The following C3orf70 variants were observed in gnomAD, a reference collection of about 807,000 sequenced individuals.
C3orf70 encodes chromosome 3 open reading frame 70.
C3orf70 carries 15 observed loss-of-function variants against 20.7 expected under a neutral mutation model. The ratio of observed to expected loss-of-function variants is 0.72; its 90% CI spans 0.48 to 1.11. The LOEUF (loss-of-function observed/expected upper bound fraction) is 1.11. Ranked by LOEUF, C3orf70 falls within the 50% of genes most tolerant of loss-of-function variation. The pLI is 0.00. For missense variants in C3orf70, 332 were observed against 317.6 expected (o/e 1.05, Z -0.34); for synonymous variants, 161 against 125.7 (o/e 1.28, Z -1.88).
In C3orf70 at chr3:185,077,792, G is replaced by GGGC. The variant is rs1268654623; in HGVS notation, c.*5214_*5215insGCC. On this transcript the variant is annotated 3_prime_UTR_variant, in exon 2 of 2. Transcript: ENST00000335012. ...AATAAATGCTATTTGGTGGTGGTGG[G>GGGC]GGGGGGGTATCAAGTTTTATTTGCT... 6.6e-6 allele frequency among the ~76,000 whole-genome samples: 1 copy of GGGC among 150,522 alleles called. No individual in the cohort carries two copies. The highest frequency in any genetic ancestry group is 1.5e-5 in the Non-Finnish European group (1 of 67,582).
At position 185,083,492 on chromosome 3, in the gene C3orf70, C is replaced by T; in HGVS notation, c.268G>A (p.Glu90Lys). 1.2e-6 allele frequency: 2 copies of T among 1,613,780 alleles called. No homozygotes were observed. Among genetic ancestry groups the T allele is most frequent in the Non-Finnish European group, 8.5e-7 (1 of 1,179,948 alleles). ...GAGATCTGAATGGTGTTTGTGGGTT[C>T]CCGAGGCCTGGCAGGAATCTCAGTG... is the stretch of plus-strand genomic sequence containing the variant. ...PSTEIPARPREPTNTIQISVS... is the reference protein window; with the variant it reads ...PSTEIPARPRKPTNTIQISVS... The change falls in exon 2 of 2, where the codon GAA (glutamate) becomes AAA (lysine). Residue 90 changes from glutamate to lysine, a missense_variant. Physicochemically the swap from Glu to Lys is moderately conservative, Grantham distance 56. Transcript: ENST00000335012.
At chr3:185,135,853 A>C (rs1255206239) in intron 1 of C3orf70, among the ~76,000 whole-genome samples, 4 of 152,204 alleles carry the variant, frequency 2.6e-5, no homozygotes, top group African/African-American at 9.6e-5. Context: ...ATAATTCAAA[A>C]TGGAATTCAA....
At chr3:185,144,020 T>C (rs769323173) in intron 1 of C3orf70, among the ~76,000 whole-genome samples, 58 of 151,006 alleles carry the variant, frequency 3.8e-4, no homozygotes, top group Admixed American at 7.3e-4. Flanking sequence ...ACTCAACACA[T>C]AGGAACTATT....
chr3:185,148,456 T>A (rs762174006), intron 1 of C3orf70, among the ~76,000 whole-genome samples: 1 of 152,194 alleles, frequency 6.6e-6, no homozygotes, highest in Non-Finnish European at 1.5e-5. Context: ...CAAATTTAAT[T>A]AACCCTATAG....
chr3:185,145,329 T>C (rs1053220710), intron 1 of C3orf70, among the ~76,000 whole-genome samples: 1 of 152,252 alleles, frequency 6.6e-6, no homozygotes, highest in Non-Finnish European at 1.5e-5. Context: ...TAATTAATGG[T>C]GTGTATACAA....
At chr3:185,120,033 A>AAAAAAAGAAAAAAAAAG (rs55921240) in intron 1 of C3orf70, among the ~76,000 whole-genome samples, 2 of 100,784 alleles carry the variant, frequency 2.0e-5, no homozygotes, top group African/African-American at 4.6e-5. Context: ...AAAAAAAAAA[A>AAAAAAAGAAAAAAAAAG]AAAAAGAAAA....
At chr3:185,106,725 C>T (rs1715950830) in intron 1 of C3orf70, among the ~76,000 whole-genome samples, 1 of 152,240 alleles carries the variant, frequency 6.6e-6, no homozygotes, top group African/African-American at 2.4e-5. Flanking sequence ...CTATGCTACA[C>T]AAAAGCTGTG....
intron 1 of C3orf70, among the ~76,000 whole-genome samples, chr3:185,108,374 A>G (rs1396539177): frequency 5.3e-5 from 8 of 152,190 alleles, no homozygotes; most frequent in Non-Finnish European, 8.8e-5. Context: ...TATTAATGTG[A>G]TTTCTGATTC....
intron 1 of C3orf70, among the ~76,000 whole-genome samples, chr3:185,127,659 C>CGAA (rs1716440325): frequency 1.3e-5 from 2 of 151,994 alleles, no homozygotes; most frequent in Non-Finnish European, 2.9e-5. Flanking sequence ...AGGCTGGTCT[C>CGAA]GAACTCCTGA....
At chr3:185,109,105 T>G (rs1716007547) in intron 1 of C3orf70, among the ~76,000 whole-genome samples, 1 of 152,146 alleles carries the variant, frequency 6.6e-6, no homozygotes, top group African/African-American at 2.4e-5. Flanking sequence ...AAACAGCAGT[T>G]GCAAAAGCAG....
chr3:185,129,845 C>T (rs1477276879), intron 1 of C3orf70, among the ~76,000 whole-genome samples: 1 of 152,162 alleles, frequency 6.6e-6, no homozygotes, highest in Non-Finnish European at 1.5e-5. Flanking sequence ...GATTGTAACA[C>T]AGCATCCAAA....
At chr3:185,092,988 TCAA>T (rs1715626509) in intron 1 of C3orf70, among the ~76,000 whole-genome samples, 1 of 36,234 alleles carries the variant, frequency 2.8e-5, no homozygotes. Context: ...AGACTCCATC[TCAA>T]AAAAAAAAAA....
chr3:185,140,596 T>C (rs1370640245), intron 1 of C3orf70, among the ~76,000 whole-genome samples: 1 of 151,642 alleles, frequency 6.6e-6, no homozygotes, highest in Non-Finnish European at 1.5e-5. Flanking sequence ...GTGGGGCCTT[T>C]GGGAAGTAAT....
chr3:185,134,806 C>A (rs771570930), intron 1 of C3orf70, among the ~76,000 whole-genome samples: 1 of 152,108 alleles, frequency 6.6e-6, no homozygotes, highest in Non-Finnish European at 1.5e-5. Context: ...GTGTCAGAGG[C>A]CTTGCAGAAA....
intron 1 of C3orf70, among the ~76,000 whole-genome samples, chr3:185,135,684 A>C (rs1041069427): frequency 3.9e-5 from 6 of 152,368 alleles, no homozygotes; most frequent in African/African-American, 1.4e-4. Context: ...TAAATACTCA[A>C]AGTGATGAAT....
chr3:185,090,015 G>C (rs1715532001), intron 1 of C3orf70, among the ~76,000 whole-genome samples: 1 of 152,086 alleles, frequency 6.6e-6, no homozygotes, highest in African/African-American at 2.4e-5. Flanking sequence ...AAGAAACAAA[G>C]AGTTATTACA....
chr3:185,109,608 T>A (rs1277646533), intron 1 of C3orf70, among the ~76,000 whole-genome samples: 1 of 151,602 alleles, frequency 6.6e-6, no homozygotes, highest in African/African-American at 2.4e-5. Flanking sequence ...TCACAATGAA[T>A]AATTTAATGG....
chr3:185,149,897 T>C (rs921241803), intron 1 of C3orf70, among the ~76,000 whole-genome samples: 5 of 152,350 alleles, frequency 3.3e-5, no homozygotes, highest in Non-Finnish European at 4.4e-5. Flanking sequence ...ATACTTGACG[T>C]CAATCCTTTT....
chr3:185,127,852 G>A (rs926782289), intron 1 of C3orf70, among the ~76,000 whole-genome samples: 1 of 152,090 alleles, frequency 6.6e-6, no homozygotes, highest in East Asian at 1.9e-4. Flanking sequence ...AAATTGAGAC[G>A]TTGAAAAACA....
Sources: gnomAD v4.1 joint callset for allele counts (sites outside exome capture counted in the v4.1 genomes callset) on GRCh38, gnomAD v4.1.1 for gene constraint, MANE v1.5 for transcripts, NCBI Gene and HGNC (gene_info 2026-07-23, HGNC 2026-07-21) for gene names.